The following RAB3B variants were observed in gnomAD, a reference collection of about 807,000 sequenced individuals.
RAB3B encodes ras-related protein Rab-3B.
RAB3B carries 11 observed loss-of-function variants against 20.5 expected under a neutral mutation model. The observed-to-expected ratio is 0.54, with a 90% CI of 0.34 to 0.89. The LOEUF (loss-of-function observed/expected upper bound fraction) is 0.89, where lower values mean the gene tolerates loss of function less well. RAB3B is among the 40% of genes least tolerant of loss of function. The pLI is 0.02. For synonymous variants in RAB3B, 99 were observed against 106.3 expected, an observed-to-expected ratio of 0.93 and a Z score of 0.42; for missense variants, 225 against 280.9, an observed-to-expected ratio of 0.80 and a Z score of 1.42.
At chr1:51,964,405 G>A (rs756862226) in intron 2 of RAB3B, among the ~76,000 whole-genome samples, 5 of 151,004 alleles carry the variant, frequency 3.3e-5, no homozygotes, top group South Asian at 2.1e-4. Flanking sequence ...GAATGTCTCC[G>A]GGCTCAGTCT....
chr1:51,966,539 T>A (rs1684854258), intron 2 of RAB3B, among the ~76,000 whole-genome samples: 1 of 152,164 alleles, frequency 6.6e-6, no homozygotes, highest in South Asian at 2.1e-4. Flanking sequence ...CAATAGTCAA[T>A]CAGGATGGCT....
intron 1 of RAB3B, among the ~76,000 whole-genome samples, chr1:51,984,864 T>C (rs942869822): frequency 6.6e-6 from 1 of 152,144 alleles, no homozygotes; most frequent in African/African-American, 2.4e-5. Context: ...GAAATAAAGC[T>C]GGAAAGACGT....
chr1:51,935,747 G>A (rs1684389805), intron 3 of RAB3B, among the ~76,000 whole-genome samples: 1 of 152,106 alleles, frequency 6.6e-6, no homozygotes, highest in African/African-American at 2.4e-5. Context: ...GGAGCAGGGA[G>A]AGGGGAGGAA....
At chr1:51,922,752 AG>A (rs1684189331) in intron 4 of RAB3B, among the ~76,000 whole-genome samples, 1 of 151,632 alleles carries the variant, frequency 6.6e-6, no homozygotes, top group African/African-American at 2.4e-5. Context: ...GCTGGAGTGC[AG>A]TGGCACAATC....
At position 51,933,407 on chromosome 1, in the gene RAB3B, G is replaced by A. The variant is rs760233619; in HGVS notation, c.383C>T (p.Ala128Val). 1.2e-6 allele frequency: 2 copies of A among 1,613,412 alleles called. No homozygotes were observed. Among genetic ancestry groups the A allele is most frequent in the South Asian group, 2.2e-5 (2 of 91,060 alleles). ...CTTGTTCCCCACCAGAATAACTTGT[G>A]CATTGTCCCAGGAGTAGGTCTTGAT... ...TQIKTYSWDN[A>V]QVILVGNKCD... The change falls in exon 4 of 5, where the codon GCA (alanine) becomes GTA (valine). Residue 128 changes from alanine (A) to valine (V), a missense_variant. By Grantham distance (64) the Ala-to-Val change is moderately conservative (BLOSUM62 0). Transcript: ENST00000371655.
At chr1:51,923,189 G>A (rs143817024) in intron 4 of RAB3B, among the ~76,000 whole-genome samples, 112 of 152,338 alleles carry the variant, frequency 7.4e-4, no homozygotes, top group African/African-American at 2.5e-3. Context: ...CAAGGCAAGG[G>A]TTAGCACTTG....
At chr1:51,946,309 C>T (rs1453469708) in intron 2 of RAB3B, among the ~76,000 whole-genome samples, 3 of 152,204 alleles carry the variant, frequency 2.0e-5, no homozygotes, top group Non-Finnish European at 2.9e-5. Flanking sequence ...CTATCCTGTG[C>T]TCTATGGAAA....
chr1:51,937,483 T>C lies in RAB3B; in HGVS notation c.229-71A>G, dbSNP rs575270853. ...GGTTCCTAAAAAGTCCCCAGGACAA[T>C]TAACTAATAACCCAAGACATTTTTT... On this transcript the variant is annotated intron_variant, in intron 2 of 4. Transcript: ENST00000371655. 21 of 1,055,112 alleles carry C rather than the reference T, an allele frequency of 2.0e-5. 1 individual carries two copies. The South Asian group carries it at 3.3e-4, about 17-fold the overall frequency. The allele number at this position is 1,055,112 out of a possible 1,614,324, so 65.4% of individuals were successfully genotyped here. A position where few individuals can be genotyped will look rare whatever the true frequency, so the allele number is the denominator to read the frequency against.
intron 2 of RAB3B, among the ~76,000 whole-genome samples, chr1:51,958,988 G>C (rs1275473209): frequency 6.6e-6 from 1 of 152,236 alleles, no homozygotes; most frequent in Non-Finnish European, 1.5e-5. Context: ...GCAAGGCCCT[G>C]TGCCTGGTGC....
chr1:51,924,795 T>G (rs1252664333), intron 4 of RAB3B, among the ~76,000 whole-genome samples: 1 of 152,196 alleles, frequency 6.6e-6, no homozygotes, highest in Non-Finnish European at 1.5e-5. Flanking sequence ...TCCTGAAATA[T>G]TCTTCATTAG....
chr1:51,916,579 A>G lies in RAB3B; in HGVS notation c.*3348T>C, dbSNP rs1248646121. ...GCAACTGTATTATACCCATGGTCAG[A>G]AAAGTTAATCAAGTCACTCTTCACA... is the stretch of plus-strand genomic sequence containing the variant. On this transcript the variant is annotated 3_prime_UTR_variant, in exon 5 of 5. Transcript: ENST00000371655. 1 of 152,250 alleles carries G rather than the reference A, an allele frequency of 6.6e-6. No individual in the cohort carries two copies. Among genetic ancestry groups the G allele is most frequent in the African/African-American group, 2.4e-5 (1 of 41,466 alleles). The allele number at this position is 152,250 out of a possible 1,614,324, so 9.4% of individuals were successfully genotyped here.
chr1:51,989,953 C>A (rs919734201), intron 1 of RAB3B, among the ~76,000 whole-genome samples: 4 of 149,920 alleles, frequency 2.7e-5, no homozygotes, highest in African/African-American at 9.9e-5. Flanking sequence ...CCCAGCTATC[C>A]ATACCCACAT....
chr1:51,940,545 C>T (rs1471705237), intron 2 of RAB3B, among the ~76,000 whole-genome samples: 1 of 152,126 alleles, frequency 6.6e-6, no homozygotes, highest in East Asian at 1.9e-4. Flanking sequence ...ATCACTTGAA[C>T]CCAGGAGGCA....
At chr1:51,949,248 C>A (rs1684603185) in intron 2 of RAB3B, among the ~76,000 whole-genome samples, 1 of 152,252 alleles carries the variant, frequency 6.6e-6, no homozygotes, top group African/African-American at 2.4e-5. Context: ...GCCTGGAATG[C>A]CCTTGCGTTC....
chr1:51,953,084 G>C (rs1411855441), intron 2 of RAB3B, among the ~76,000 whole-genome samples: 1 of 152,132 alleles, frequency 6.6e-6, no homozygotes, highest in Non-Finnish European at 1.5e-5. Flanking sequence ...TACCCCACAC[G>C]CATCTGGGCA....
At chr1:51,961,572 T>C (rs1684784534) in intron 2 of RAB3B, among the ~76,000 whole-genome samples, 1 of 152,180 alleles carries the variant, frequency 6.6e-6, no homozygotes, top group Non-Finnish European at 1.5e-5. Context: ...AGTCTCAGTT[T>C]CCTCATCTGT....
At chr1:51,985,787 G>A (rs906997237) in intron 1 of RAB3B, among the ~76,000 whole-genome samples, 2 of 149,178 alleles carry the variant, frequency 1.3e-5, no homozygotes, top group African/African-American at 5.1e-5. Context: ...AGGAGACTAG[G>A]AAGTGATGGC....
intron 1 of RAB3B, 122 bp from the exon 2 acceptor site, chr1:51,977,239 T>G (rs1685023350): frequency 7.0e-6 from 5 of 711,532 alleles, no homozygotes; most frequent in African/African-American, 1.8e-5. Context: ...ACTGAGGAAA[T>G]GCACACTACT....
chr1:51,950,469 T>G (rs759612046), intron 2 of RAB3B, among the ~76,000 whole-genome samples: 2 of 152,196 alleles, frequency 1.3e-5, no homozygotes, highest in African/African-American at 4.8e-5. Flanking sequence ...AAAAGAATGC[T>G]AGCAAAAGAA....
Sources: gnomAD v4.1 joint callset for allele counts (sites outside exome capture counted in the v4.1 genomes callset) on GRCh38, gnomAD v4.1.1 for gene constraint, MANE v1.5 for transcripts, NCBI Gene and HGNC (gene_info 2026-07-23, HGNC 2026-07-21) for gene names.